The following DCDC2C variants were observed in gnomAD, a reference collection of about 807,000 sequenced individuals.
DCDC2C encodes doublecortin domain-containing protein 2C.
In DCDC2C, 44 loss-of-function variants were observed where a neutral mutation model predicts 45.0. The observed-to-expected ratio is 0.98, with a 90% CI of 0.77 to 1.26. The LOEUF (loss-of-function observed/expected upper bound fraction) is 1.26. Among genes scored for constraint, DCDC2C ranks in the 50% most tolerant of loss-of-function variants. The pLI is 0.00. For synonymous variants in DCDC2C, 187 were observed against 178.8 expected, an observed-to-expected ratio of 1.05 and a Z score of -0.37; for missense variants, 447 against 468.9, an observed-to-expected ratio of 0.95 and a Z score of 0.43.
In DCDC2C at chr2:3,751,345, C is replaced by T. The variant is rs990336289; in HGVS notation, c.546-1418C>T. Among the ~76,000 whole-genome samples the T allele has an allele frequency of 2.6e-5, 4 of 152,232 alleles. No homozygotes were observed. The South Asian group carries it at 6.2e-4, about 24-fold the overall frequency. ...GGGACTGACTGTCCCCAGGCCCCAGCGGGAGGAGAACAGAATTCCAAGCAT... is the reference window on the plus strand; with the variant it reads ...GGGACTGACTGTCCCCAGGCCCCAGTGGGAGGAGAACAGAATTCCAAGCAT... On this transcript the variant is annotated intron_variant, in intron 4 of 10. Coordinates refer to ENST00000399143, the MANE Select transcript of DCDC2C (RefSeq NM_001287444.2).
chr2:3,769,439 C>A (rs1670104482), intron 8 of DCDC2C, 28 bp downstream of exon 8: 1 of 1,537,974 alleles, frequency 6.5e-7, no homozygotes, highest in Admixed American at 2.0e-5. Flanking sequence ...GATGTCCATG[C>A]CGTCTTCACT....
chr2:3,780,353 G>A (rs1375766601), intron 9 of DCDC2C, among the ~76,000 whole-genome samples: 1 of 152,196 alleles, frequency 6.6e-6, no homozygotes, highest in East Asian at 1.9e-4. Flanking sequence ...AATCCCTTGT[G>A]CACACTGGCG....
intron 10 of DCDC2C, among the ~76,000 whole-genome samples, chr2:3,798,684 T>C (rs1215890424): frequency 1.3e-5 from 2 of 151,270 alleles, no homozygotes; most frequent in East Asian, 3.9e-4. Context: ...TCTTTAAGAA[T>C]GTTGAATATT....
At chr2:3,776,788 C>T (rs1305193321) in intron 8 of DCDC2C, among the ~76,000 whole-genome samples, 1 of 152,222 alleles carries the variant, frequency 6.6e-6, no homozygotes, top group East Asian at 1.9e-4. Context: ...TGTCCTAAGA[C>T]ACTGAAGCTC....
intron 10 of DCDC2C, among the ~76,000 whole-genome samples, chr2:3,790,936 G>A (rs1031399038): frequency 4.6e-5 from 7 of 152,142 alleles, no homozygotes; most frequent in Non-Finnish European, 8.8e-5. Flanking sequence ...GCGAAACCCC[G>A]TCTCTACTAA....
At position 3,703,658 on chromosome 2, in the gene DCDC2C, C is replaced by A. The variant is rs916786897; in HGVS notation, c.-94C>A. 2.6e-6 allele frequency: 3 copies of A among 1,158,744 alleles called. No individual in the cohort carries two copies. The highest frequency in any genetic ancestry group is 1.6e-5 in the African/African-American group (1 of 62,362). 71.8% of individuals were successfully genotyped at this position (1,158,744 alleles called of 1,614,324 possible). On this transcript the variant is annotated 5_prime_UTR_variant, in exon 1 of 11. Coordinates refer to ENST00000399143, the MANE Select transcript of DCDC2C (RefSeq NM_001287444.2). The surrounding 1 kb of genome is among the most constrained non-coding windows in gnomAD (Gnocchi z 4.4). ...CCAGCGGCTGGAGCGGACCTCCCGT[C>A]GGCGGTGCCCGGGCCTGGGCGCGGC... is the stretch of plus-strand genomic sequence containing the variant.
At chr2:3,789,039 G>A (rs1173612042) in intron 10 of DCDC2C, among the ~76,000 whole-genome samples, 1 of 151,896 alleles carries the variant, frequency 6.6e-6, no homozygotes, top group Non-Finnish European at 1.5e-5. Flanking sequence ...TTTTAGTAGA[G>A]AAGGATTTCA....
intron 10 of DCDC2C, among the ~76,000 whole-genome samples, chr2:3,825,748 C>T (rs1021271421): frequency 6.6e-6 from 1 of 152,148 alleles, no homozygotes; most frequent in Non-Finnish European, 1.5e-5. Context: ...ATATCTGGGT[C>T]TGGACTTCCA....
At chr2:3,732,369 T>G (rs542405075) in intron 3 of DCDC2C, among the ~76,000 whole-genome samples, 1 of 152,214 alleles carries the variant, frequency 6.6e-6, no homozygotes, top group Admixed American at 6.5e-5. Context: ...TCAATGGAAC[T>G]GTGGTTTGAG....
chr2:3,755,598 T>C (rs1484786921), intron 6 of DCDC2C, among the ~76,000 whole-genome samples: 1 of 152,140 alleles, frequency 6.6e-6, no homozygotes, highest in Non-Finnish European at 1.5e-5. Flanking sequence ...TGTATATGTG[T>C]GTATGCATGT....
chr2:3,814,962 G>A (rs567690405), intron 10 of DCDC2C, among the ~76,000 whole-genome samples: 150 of 152,392 alleles, frequency 9.8e-4, no homozygotes, highest in African/African-American at 3.5e-3. Flanking sequence ...GGAGCATAGC[G>A]TGTTAGGCAG....
At chr2:3,710,018 T>C (rs1049767526) in intron 2 of DCDC2C, among the ~76,000 whole-genome samples, 3 of 152,152 alleles carry the variant, frequency 2.0e-5, no homozygotes, top group Non-Finnish European at 2.9e-5. Context: ...AGGCTATAGT[T>C]ACCCAAAAGA....
intron 1 of DCDC2C, among the ~76,000 whole-genome samples, chr2:3,705,493 T>C (rs1453980087): frequency 1.3e-5 from 2 of 152,228 alleles, no homozygotes; most frequent in Non-Finnish European, 2.9e-5. Flanking sequence ...AGAATATATC[T>C]CTACAAAAAC....
rs1312492643 is a variant in DCDC2C, at chr2:3,752,486, C to T, written c.546-277C>T. 5 of 455,908 alleles carry T rather than the reference C, an allele frequency of 1.1e-5. No individual in the cohort carries two copies. The Admixed American group carries it at 1.6e-4, about 15-fold the overall frequency. The allele number at this position is 455,908 out of a possible 1,614,324, so 28.2% of individuals were successfully genotyped here. ...TTAGTTAAAATTAATTGAACACTAA[C>T]CAAGAGTGTAACATGGTTCTCAAGA... On this transcript the variant is annotated intron_variant, in intron 4 of 10. Transcript: ENST00000399143.
At chr2:3,742,229 C>A (rs1669237446) in intron 4 of DCDC2C, among the ~76,000 whole-genome samples, 181 bp downstream of exon 4, 1 of 152,240 alleles carries the variant, frequency 6.6e-6, no homozygotes, top group African/African-American at 2.4e-5. Flanking sequence ...TAACTGGCCT[C>A]ATTCATTTAT....
At chr2:3,754,461 G>T in intron 5 of DCDC2C, 131 bp from the exon 6 acceptor site, 1 of 781,462 alleles carries the variant, frequency 1.3e-6, no homozygotes. Flanking sequence ...GCCATGAGCC[G>T]TGTCCTCTGT....
At chr2:3,774,159 T>C (rs1270276706) in intron 8 of DCDC2C, among the ~76,000 whole-genome samples, 2 of 152,254 alleles carry the variant, frequency 1.3e-5, no homozygotes, top group African/African-American at 4.8e-5. Context: ...GGAAAAAACC[T>C]AATGAAGCTT....
intron 10 of DCDC2C, among the ~76,000 whole-genome samples, chr2:3,845,694 T>C (rs1029411876): frequency 2.6e-5 from 4 of 152,364 alleles, no homozygotes; most frequent in African/African-American, 9.6e-5. Context: ...TCTAAGTATA[T>C]GTCTTAGTGC....
chr2:3,732,832 C>A (rs1286744268), intron 3 of DCDC2C, among the ~76,000 whole-genome samples: 1 of 152,132 alleles, frequency 6.6e-6, no homozygotes, highest in African/African-American at 2.4e-5. Context: ...ACAGATAACA[C>A]CCATGGCCAT....
Sources: gnomAD v4.1 joint callset for allele counts (sites outside exome capture counted in the v4.1 genomes callset) on GRCh38, gnomAD v4.1.1 for gene constraint, Gnocchi (gnomAD v3.1) non-coding constraint, MANE v1.5 for transcripts, NCBI Gene and HGNC (gene_info 2026-07-23, HGNC 2026-07-21) for gene names.